The following PAPPA variants were observed in gnomAD, a reference collection of about 807,000 sequenced individuals.
PAPPA encodes the protein pappalysin-1.
Under a neutral mutation model 164.0 loss-of-function variants are expected in PAPPA, and 60 were observed. The ratio of observed to expected loss-of-function variants is 0.37; its 90% CI spans 0.30 to 0.45. The LOEUF (loss-of-function observed/expected upper bound fraction) is 0.45, where lower values mean the gene tolerates loss of function less well. Among genes scored for constraint, PAPPA ranks in the 20% least tolerant of loss-of-function variants. The pLI is 1.00. For synonymous variants in PAPPA, 875 were observed against 814.1 expected (o/e 1.07, Z -1.27); for missense variants, 1,782 against 2,087.3 (o/e 0.85, Z 2.85).
At chr9:116,184,493 C>T (rs1208906256) in intron 1 of PAPPA, among the ~76,000 whole-genome samples, 7 of 152,098 alleles carry the variant, frequency 4.6e-5, no homozygotes. Context: ...CCTTTTCATC[C>T]TCTACATCAC....
At chr9:116,286,200 G>A (rs185469385) in intron 9 of PAPPA, 29 of 152,242 alleles carry the variant, frequency 1.9e-4, no homozygotes, top group African/African-American at 7.0e-4. Flanking sequence ...TACTGACAGA[G>A]GTCATTACTC....
intron 21 of PAPPA, among the ~76,000 whole-genome samples, chr9:116,385,182 C>T (rs549917461): frequency 4.0e-5 from 6 of 151,656 alleles, no homozygotes; most frequent in African/African-American, 7.3e-5. Context: ...TGCGGTGAGC[C>T]GATATCGTGC....
At chr9:116,307,553 G>A (rs922331550) in intron 10 of PAPPA, among the ~76,000 whole-genome samples, 14 of 151,930 alleles carry the variant, frequency 9.2e-5, no homozygotes, top group Admixed American at 2.0e-4. Flanking sequence ...GAGCCGAGAC[G>A]GTGCCATTAC....
intron 14 of PAPPA, among the ~76,000 whole-genome samples, chr9:116,346,008 T>C (rs1846202830): frequency 6.6e-6 from 1 of 152,208 alleles, no homozygotes; most frequent in Non-Finnish European, 1.5e-5. Context: ...TTGCTCTTCT[T>C]AGACACCTAC....
In PAPPA at chr9:116,377,558, C is replaced by T; in HGVS notation, c.4606-18C>T. ...CCAATCCCAAGCCCATCTGACCTTT[C>T]TCTCCCTCTTCCCACAGAGAGTTGT... On this transcript the variant is annotated intron_variant, in intron 19 of 21. Coordinates refer to ENST00000328252, the MANE Select transcript of PAPPA (RefSeq NM_002581.5). The T allele has an allele frequency of 2.5e-6, 4 of 1,603,322 alleles. No homozygotes were observed. The highest frequency in any genetic ancestry group is 2.6e-6 in the Non-Finnish European group (3 of 1,170,272).
Position 116,271,275 on chromosome 9 carries a change from A to G in PAPPA, c.2862-50A>G. 7.6e-7 allele frequency: 1 copy of G among 1,324,272 alleles called. No homozygotes were observed. 82.0% of individuals were successfully genotyped at this position (1,324,272 alleles called of 1,614,324 possible). A position where few individuals can be genotyped will look rare whatever the true frequency, so the allele number is the denominator to read the frequency against. ...GGGAGGGACTTTTCCATGTCCAGCC[A>G]TGGTTTTAAGACTAAATTGGCAAAT... On this transcript the variant is annotated intron_variant, in intron 8 of 21. Coordinates refer to ENST00000328252, the MANE Select transcript of PAPPA (RefSeq NM_002581.5). The surrounding 1 kb of genome is among the most constrained non-coding windows in gnomAD (Gnocchi z 4.2).
chr9:116,287,211 T>C (rs1845350774), intron 9 of PAPPA: 3 of 152,236 alleles, frequency 2.0e-5, no homozygotes, highest in Non-Finnish European at 4.4e-5. Flanking sequence ...TTGAAACATT[T>C]AGCACAATGC....
chr9:116,380,090 C>T (rs1383952328), intron 20 of PAPPA, among the ~76,000 whole-genome samples: 1 of 152,160 alleles, frequency 6.6e-6, no homozygotes, highest in African/African-American at 2.4e-5. Flanking sequence ...GCATCACAAA[C>T]CTCTTCTCCA....
chr9:116,273,897 T>A (rs1363687628), intron 9 of PAPPA, among the ~76,000 whole-genome samples: 4 of 152,232 alleles, frequency 2.6e-5, no homozygotes, highest in Non-Finnish European at 4.4e-5. Flanking sequence ...GATATTTGCT[T>A]AATACTTCTT....
At position 116,265,980 on chromosome 9, in the gene PAPPA, A is replaced by G. The variant is rs1243463256; in HGVS notation, c.2856A>G (p.Ile952Met). Reference sequence around the variant, plus strand: ...GTGGGTACTGTGGCGATGGCATTATACAAAAGTAAGTAGATCTAATTAAAG... The same window carrying G: ...GTGGGTACTGTGGCGATGGCATTATGCAAAAGTAAGTAGATCTAATTAAAG... ...HGSGYCGDGI[I>M]QKDQGEQCDD... The change falls in exon 8 of 22, where the codon ATA (isoleucine) becomes ATG (methionine). Residue 952 changes from isoleucine to methionine, a missense_variant. This residue lies in a region of PAPPA where 1,324 missense variants were observed against 1,656.9 expected (regional missense o/e 0.80). Transcript: ENST00000328252. The G allele has an allele frequency of 1.2e-6, 2 of 1,604,854 alleles. No individual in the cohort carries two copies. Among genetic ancestry groups the G allele is most frequent in the Admixed American group, 3.4e-5 (2 of 59,646 alleles).
chr9:116,377,785 AG>A, intron 20 of PAPPA, 138 bp downstream of exon 20: 1 of 634,414 alleles, frequency 1.6e-6, no homozygotes, highest in South Asian at 1.9e-5. Context: ...CTTCTTGGAC[AG>A]GGATTAGCAG....
At chr9:116,235,774 G>A in intron 7 of PAPPA, 137 bp downstream of exon 7, 1 of 835,856 alleles carries the variant, frequency 1.2e-6, no homozygotes. Context: ...CCATCATTGG[G>A]TGTAGATTTG....
intron 3 of PAPPA, 37 bp from the exon 4 acceptor site, chr9:116,211,602 A>G (rs749593165): frequency 1.3e-6 from 2 of 1,593,078 alleles, no homozygotes; most frequent in South Asian, 2.2e-5. Flanking sequence ...GAAGCAGAGT[A>G]CCTAGTTTGC....
intron 10 of PAPPA, among the ~76,000 whole-genome samples, chr9:116,328,126 G>A (rs751833339): frequency 7.2e-5 from 11 of 152,194 alleles, no homozygotes; most frequent in Non-Finnish European, 1.0e-4. Flanking sequence ...TTCAGATGCA[G>A]AGATAAGACC....
At chr9:116,242,411 G>A (rs908062186) in intron 7 of PAPPA, among the ~76,000 whole-genome samples, 1 of 152,162 alleles carries the variant, frequency 6.6e-6, no homozygotes, top group Non-Finnish European at 1.5e-5. Flanking sequence ...CATGTCAGAA[G>A]GGCATACTCA....
intron 20 of PAPPA, among the ~76,000 whole-genome samples, chr9:116,378,674 T>A (rs1846687200): frequency 6.6e-6 from 1 of 152,174 alleles, no homozygotes; most frequent in Non-Finnish European, 1.5e-5. Context: ...CTTAATTTGA[T>A]CTAGCTCTAT....
intron 9 of PAPPA, among the ~76,000 whole-genome samples, chr9:116,297,477 C>T (rs925456847): frequency 6.6e-6 from 1 of 152,172 alleles, no homozygotes; most frequent in African/African-American, 2.4e-5. Flanking sequence ...CAGCTCTGAC[C>T]TCTTTAACCT....
chr9:116,181,043 A>G (rs1296490192), intron 1 of PAPPA, among the ~76,000 whole-genome samples: 1 of 152,214 alleles, frequency 6.6e-6, no homozygotes, highest in Admixed American at 6.5e-5. Context: ...TATCTTTCTA[A>G]TACACCTTGC....
intron 4 of PAPPA, among the ~76,000 whole-genome samples, chr9:116,216,294 G>T (rs1187535712): frequency 1.3e-5 from 2 of 152,112 alleles, no homozygotes; most frequent in African/African-American, 4.8e-5. Context: ...GCTGACGGGG[G>T]GTCAGCATTG....
Sources: allele counts gnomAD v4.1 joint callset (sites outside exome capture counted in the v4.1 genomes callset), GRCh38; gene constraint gnomAD v4.1.1; regional missense constraint gnomAD v4.1.1; non-coding constraint Gnocchi (gnomAD v3.1); transcripts MANE v1.5; gene names NCBI Gene and HGNC (gene_info 2026-07-23, HGNC 2026-07-21).